Variants in GNAQ observed in about 807,000 individuals in gnomAD.
The protein encoded by GNAQ is guanine nucleotide-binding protein G(q) subunit alpha.
A neutral mutation model predicts 43.9 loss-of-function variants in GNAQ; 8 were observed. That is an observed-to-expected ratio of 0.18 (90% CI 0.11 to 0.33). The LOEUF is 0.33. GNAQ is among the 10% of genes least tolerant of loss of function. GNAQ has a pLI of 1.00. For missense variants in GNAQ, 158 were observed against 450.8 expected, an observed-to-expected ratio of 0.35 and a Z score of 5.88; for synonymous variants, 155 against 170.7, an observed-to-expected ratio of 0.91 and a Z score of 0.71.
chr9:77,984,429 G>A (rs1823408505), intron 1 of GNAQ, among the ~76,000 whole-genome samples: 1 of 151,986 alleles, frequency 6.6e-6, no homozygotes, highest in Non-Finnish European at 1.5e-5. Flanking sequence ...CAAAGTGCTG[G>A]GATTACAGGC....
rs561962287 is a variant in GNAQ, at chr9:77,880,260, T to C, written c.321+41901A>G. ...CAGAAATATGTCCTGTCTGATTCTT[T>C]AGTGTTTAGGAATTTGTAATAATGT... On this transcript the variant is annotated intron_variant, in intron 2 of 6. Coordinates refer to ENST00000286548, the MANE Select transcript of GNAQ (RefSeq NM_002072.5). Among the ~76,000 whole-genome samples the C allele has an allele frequency of 4.6e-5, 7 of 152,336 alleles. No individual in the cohort carries two copies. The South Asian group carries it at 6.2e-4, about 14-fold the overall frequency.
At chr9:77,844,147 T>C (rs1192121863) in intron 2 of GNAQ, among the ~76,000 whole-genome samples, 2 of 152,208 alleles carry the variant, frequency 1.3e-5, no homozygotes, top group African/African-American at 2.4e-5. Flanking sequence ...CAAGTTATCA[T>C]GACAGTGGAC....
chr9:78,010,401 T>G (rs913152874), intron 1 of GNAQ, among the ~76,000 whole-genome samples: 3 of 152,136 alleles, frequency 2.0e-5, no homozygotes, highest in Non-Finnish European at 4.4e-5. Flanking sequence ...AACAGATGAC[T>G]GAAGATGGAA....
intron 5 of GNAQ, among the ~76,000 whole-genome samples, chr9:77,782,255 C>T (rs761448911): frequency 6.6e-6 from 1 of 151,864 alleles, no homozygotes; most frequent in Non-Finnish European, 1.5e-5. Flanking sequence ...TCAAAACATA[C>T]AAAGAACTTT....
intron 5 of GNAQ, among the ~76,000 whole-genome samples, chr9:77,778,028 T>A (rs1826330157): frequency 6.6e-6 from 1 of 151,958 alleles, no homozygotes; most frequent in South Asian, 2.1e-4. Context: ...CAGAAAAAAT[T>A]GTACATGAAT....
At chr9:77,772,071 A>G (rs962077882) in intron 5 of GNAQ, among the ~76,000 whole-genome samples, 1 of 152,166 alleles carries the variant, frequency 6.6e-6, no homozygotes, top group Non-Finnish European at 1.5e-5. Flanking sequence ...GTAGTTTACA[A>G]TTGAAGAGCA....
intron 1 of GNAQ, among the ~76,000 whole-genome samples, chr9:77,948,955 T>G (rs1822940354): frequency 1.3e-5 from 2 of 152,030 alleles, no homozygotes; most frequent in Non-Finnish European, 2.9e-5. Context: ...AGCCCACTTC[T>G]CCCACAAGAC....
chr9:77,726,373 T>C (rs567001025), intron 6 of GNAQ, among the ~76,000 whole-genome samples: 228 of 152,350 alleles, frequency 1.5e-3, no homozygotes, highest in Middle Eastern at 0.01. Context: ...CAAATGTTTA[T>C]ATTTTCAATT....
intron 2 of GNAQ, among the ~76,000 whole-genome samples, chr9:77,865,614 G>A (rs1002190948): frequency 1.3e-5 from 2 of 152,234 alleles, no homozygotes; most frequent in Non-Finnish European, 2.9e-5. Context: ...GTAGCAAGGA[G>A]TGGCTAGGAA....
chr9:77,943,076 G>GT (rs2118349442), intron 1 of GNAQ, among the ~76,000 whole-genome samples: 1 of 152,306 alleles, frequency 6.6e-6, no homozygotes, highest in East Asian at 1.9e-4. Context: ...ATTTTTAGAA[G>GT]TTCCACTAGT....
rs1587880123 is a variant in GNAQ at position 77,716,802 on chromosome 9, C to G, written c.*4521G>C. 1 of 232,758 alleles carries G rather than the reference C, an allele frequency of 4.3e-6. No homozygotes were observed. The highest frequency in any genetic ancestry group is 6.1e-5 in the East Asian group (1 of 16,490). The allele number at this position is 232,758 out of a possible 1,614,324, so 14.4% of individuals were successfully genotyped here. The stretch of plus-strand genomic sequence containing the variant: ...GAATCATACGGGGAAATGGAGGACA[C>G]AGGGTAGATAAGGAAGGCAAGGAGG... On this transcript the variant is annotated 3_prime_UTR_variant, in exon 7 of 7. Coordinates refer to ENST00000286548, the MANE Select transcript of GNAQ (RefSeq NM_002072.5).
Position 77,890,654 on chromosome 9 carries a change from C to A in GNAQ, c.321+31507G>T, listed in dbSNP as rs537120766. Reference sequence around the variant, plus strand: ...AGGAGAATCGCTTGAACCCAGGAGGCGGAGGTTGCGGTGAGCCGAGATCAC... The same window carrying A: ...AGGAGAATCGCTTGAACCCAGGAGGAGGAGGTTGCGGTGAGCCGAGATCAC... On this transcript the variant is annotated intron_variant, in intron 2 of 6. Coordinates refer to ENST00000286548, the MANE Select transcript of GNAQ (RefSeq NM_002072.5). 6.6e-5 allele frequency among the ~76,000 whole-genome samples: 10 copies of A among 150,460 alleles called. No individual in the cohort carries two copies. In the South Asian group the frequency reaches 2.1e-3, roughly 32 times the overall value.
chr9:77,748,660 C>G (rs953309722), intron 5 of GNAQ, among the ~76,000 whole-genome samples: 3 of 152,138 alleles, frequency 2.0e-5, no homozygotes, highest in Admixed American at 6.5e-5. Flanking sequence ...GTTATTTAAC[C>G]CTTCTTTGCT....
At chr9:77,836,547 G>A (rs1291435678) in intron 2 of GNAQ, among the ~76,000 whole-genome samples, 2 of 151,814 alleles carry the variant, frequency 1.3e-5, no homozygotes, top group East Asian at 1.9e-4. Context: ...ATTGCCCCTC[G>A]TCTTCTAATT....
intron 2 of GNAQ, among the ~76,000 whole-genome samples, chr9:77,852,018 A>C (rs180973777): frequency 6.6e-6 from 1 of 152,340 alleles, no homozygotes; most frequent in African/African-American, 2.4e-5. Context: ...GGATATGGAA[A>C]ACAAGATTCT....
intron 5 of GNAQ, among the ~76,000 whole-genome samples, chr9:77,773,622 G>A (rs1215389319): frequency 2.0e-5 from 3 of 152,178 alleles, no homozygotes. Context: ...CCTCACAGTT[G>A]ACTAATGTTC....
intron 1 of GNAQ, among the ~76,000 whole-genome samples, chr9:77,955,490 A>G (rs1428533792): frequency 1.3e-5 from 2 of 152,228 alleles, no homozygotes; most frequent in Non-Finnish European, 2.9e-5. Flanking sequence ...GGAAAGTTAT[A>G]TAACTGCATT....
chr9:77,781,536 T>C (rs1017078549), intron 5 of GNAQ, among the ~76,000 whole-genome samples: 1 of 152,076 alleles, frequency 6.6e-6, no homozygotes, highest in Non-Finnish European at 1.5e-5. Context: ...ATTAACTTAA[T>C]ACCAAAACCA....
At chr9:77,744,089 C>T (rs1002061728) in intron 5 of GNAQ, among the ~76,000 whole-genome samples, 1 of 152,134 alleles carries the variant, frequency 6.6e-6, no homozygotes, top group African/African-American at 2.4e-5. Flanking sequence ...TCTTGCCATT[C>T]CATATTTCGG....
Sources: allele counts gnomAD v4.1 joint callset (sites outside exome capture counted in the v4.1 genomes callset), GRCh38; gene constraint gnomAD v4.1.1; transcripts MANE v1.5; gene names NCBI Gene and HGNC (gene_info 2026-07-23, HGNC 2026-07-21).